Variants in DYNC2H1 observed in about 807,000 individuals in gnomAD.
The protein encoded by DYNC2H1 is cytoplasmic dynein 2 heavy chain 1.
A neutral mutation model predicts 570.0 loss-of-function variants in DYNC2H1; 410 were observed. That is an observed-to-expected ratio of 0.72 (90% CI 0.66 to 0.78). The LOEUF (loss-of-function observed/expected upper bound fraction) is 0.78. Ranked by LOEUF, DYNC2H1 falls within the 30% of genes least tolerant of loss-of-function variation. The pLI, the probability that DYNC2H1 is intolerant of heterozygous loss-of-function variation, is 0.00. For synonymous variants in DYNC2H1, 1,688 were observed against 1,677.6 expected (o/e 1.01, Z -0.15); for missense variants, 4,865 against 5,046.4 (o/e 0.96, Z 1.09).
chr11:103,165,224 C>T (rs1431691591), intron 30 of DYNC2H1, among the ~76,000 whole-genome samples: 1 of 152,166 alleles, frequency 6.6e-6, no homozygotes, highest in Non-Finnish European at 1.5e-5. Context: ...CCCTCTCAGG[C>T]TCAAGCGATT....
chr11:103,145,504 AT>A lies in DYNC2H1; in HGVS notation c.2702+2116del, dbSNP rs1312931333. On this transcript the variant is annotated intron_variant, in intron 18 of 88. Transcript: ENST00000375735. The surrounding 1 kb of genome is among the most constrained non-coding windows in gnomAD (Gnocchi z 4.2). ...AAGAACCTCTACTGCTTCCTCTACT[AT>A]TTTTTTGTCCCTTACTATAGATAGC... Among the ~76,000 whole-genome samples, 2 of 151,646 alleles carry A rather than the reference AT, an allele frequency of 1.3e-5. No individual in the cohort carries two copies. The highest frequency in any genetic ancestry group is 2.9e-5 in the Non-Finnish European group (2 of 67,904).
At chr11:103,124,438 C>A (rs190400394) in intron 11 of DYNC2H1, among the ~76,000 whole-genome samples, 3 of 119,630 alleles carry the variant, frequency 2.5e-5, no homozygotes, top group East Asian at 4.8e-4. Flanking sequence ...GGAGCAATAC[C>A]CTGTCTCAAA....
At chr11:103,457,134 G>A (rs1944814935) in intron 87 of DYNC2H1, among the ~76,000 whole-genome samples, 1 of 152,152 alleles carries the variant, frequency 6.6e-6, no homozygotes, top group Non-Finnish European at 1.5e-5. Context: ...TTAGTCCTGT[G>A]TTTGCAGTGA....
chr11:103,122,594 G>A (rs1858775252), intron 10 of DYNC2H1, among the ~76,000 whole-genome samples: 1 of 152,188 alleles, frequency 6.6e-6, no homozygotes, highest in Non-Finnish European at 1.5e-5. Context: ...TATTCTTGGA[G>A]TTATGCCTTG....
intron 75 of DYNC2H1, among the ~76,000 whole-genome samples, chr11:103,288,684 T>TA (rs57040929): frequency 0.032 from 903 of 27,902 alleles, 109 homozygotes; most frequent in East Asian, 0.047. Context: ...CCGTCTCTAC[T>TA]AAAAAAAAAA....
intron 72 of DYNC2H1, 108 bp from the exon 73 acceptor site, chr11:103,282,900 T>C: frequency 2.7e-6 from 2 of 753,734 alleles, no homozygotes; most frequent in Non-Finnish European, 4.3e-6. Context: ...AAAGAAATAA[T>C]GCATAGAATG....
intron 5 of DYNC2H1, 108 bp downstream of exon 5, chr11:103,116,822 C>A: frequency 1.1e-6 from 1 of 909,528 alleles, no homozygotes; most frequent in Non-Finnish European, 1.5e-6. Flanking sequence ...AATACTGTAA[C>A]TCTTAAAGCA....
chr11:103,287,754 T>A, intron 75 of DYNC2H1, 149 bp downstream of exon 75: 1 of 717,686 alleles, frequency 1.4e-6, no homozygotes, highest in Non-Finnish European at 2.2e-6. Flanking sequence ...CTACCTGTTT[T>A]AGAAAAATAA....
rs1256207704 is a variant in DYNC2H1, at chr11:103,129,639, G to A, written c.1953+634G>A. On this transcript the variant is annotated intron_variant, in intron 13 of 88. Coordinates refer to ENST00000375735, the MANE Select transcript of DYNC2H1 (RefSeq NM_001377.3). The surrounding 1 kb of genome is among the most constrained non-coding windows in gnomAD (Gnocchi z 4.1). ...GTGGAGGTTGCAGTGGGTCGAGATCGTGCCACTGCACTCTAGCCTGGGAGA... is the reference window on the plus strand; with the variant it reads ...GTGGAGGTTGCAGTGGGTCGAGATCATGCCACTGCACTCTAGCCTGGGAGA... 1.3e-5 allele frequency among the ~76,000 whole-genome samples: 2 copies of A among 151,802 alleles called. No homozygotes were observed. The highest frequency in any genetic ancestry group is 4.8e-5 in the African/African-American group (2 of 41,328).
At chr11:103,366,811 A>G (rs1469796276) in intron 83 of DYNC2H1, among the ~76,000 whole-genome samples, 1 of 152,166 alleles carries the variant, frequency 6.6e-6, no homozygotes, top group African/African-American at 2.4e-5. Flanking sequence ...TATTACTAAT[A>G]CAGATTTTAA....
At chr11:103,180,554 T>C (rs1565372534) in intron 39 of DYNC2H1, among the ~76,000 whole-genome samples, 1 of 151,750 alleles carries the variant, frequency 6.6e-6, no homozygotes, top group East Asian at 1.9e-4. Flanking sequence ...TATTAACTTT[T>C]TTTGTTGCTA....
rs113263553 is a variant in DYNC2H1, at chr11:103,261,244, G to T, written c.10695+1267G>T. ...CCATCTCCCTGAGACAGAGCAGCTG[G>T]GGGGAAGGGGTGGCTGTGGGCGCAG... is the stretch of plus-strand genomic sequence containing the variant. On this transcript the variant is annotated intron_variant, in intron 70 of 88. Transcript: ENST00000375735. This position sits in a 1 kb window ranked among gnomAD's most constrained non-coding sequence, Gnocchi z 4.8. Among the ~76,000 whole-genome samples, 1 of 152,102 alleles carries T rather than the reference G, an allele frequency of 6.6e-6. No individual in the cohort carries two copies. Among genetic ancestry groups the T allele is most frequent in the South Asian group, 2.1e-4 (1 of 4,834 alleles).
chr11:103,416,600 C>T (rs1028406374), intron 84 of DYNC2H1, among the ~76,000 whole-genome samples: 1 of 152,154 alleles, frequency 6.6e-6, no homozygotes, highest in African/African-American at 2.4e-5. Context: ...GGAAAACTGG[C>T]TAGCCATATA....
chr11:103,136,997 T>C (rs1859596220), intron 17 of DYNC2H1, among the ~76,000 whole-genome samples: 1 of 151,380 alleles, frequency 6.6e-6, no homozygotes, highest in East Asian at 1.9e-4. Context: ...CATTTTTTCA[T>C]GTGTTTTTTG....
rs773149402 is a variant in DYNC2H1, at chr11:103,170,104, A to T, written c.4969-4A>T. On this transcript the variant is annotated splice_polypyrimidine_tract_variant and splice_region_variant and intron_variant, in intron 32 of 88. Transcript: ENST00000375735. This position sits in a 1 kb window ranked among gnomAD's most constrained non-coding sequence, Gnocchi z 4.8. Reference sequence around the variant, plus strand: ...TACTCTGACTTTGTGTTGTTCTTGTATAGGGTAATGCTTCCAAACTGGTTT... The same window carrying T: ...TACTCTGACTTTGTGTTGTTCTTGTTTAGGGTAATGCTTCCAAACTGGTTT... 1 of 1,605,814 alleles carries T rather than the reference A, an allele frequency of 6.2e-7. No individual in the cohort carries two copies. The highest frequency in any genetic ancestry group is 8.5e-7 in the Non-Finnish European group (1 of 1,176,420).
At position 103,458,854 on chromosome 11, in the gene DYNC2H1, T is replaced by A. The variant is rs541203797; in HGVS notation, c.12648+2498T>A. 4.6e-5 allele frequency among the ~76,000 whole-genome samples: 7 copies of A among 152,154 alleles called. No individual in the cohort carries two copies. The South Asian group carries it at 8.3e-4, about 18-fold the overall frequency. On this transcript the variant is annotated intron_variant, in intron 87 of 88. Coordinates refer to ENST00000375735, the MANE Select transcript of DYNC2H1 (RefSeq NM_001377.3). ...ATTTCTTTACATAGAATTGCCCTCT[T>A]AACATTTTTTTCCAGTTAAAAACTT...
chr11:103,429,321 G>T (rs1943803982), intron 84 of DYNC2H1, among the ~76,000 whole-genome samples: 1 of 151,918 alleles, frequency 6.6e-6, no homozygotes, highest in Non-Finnish European at 1.5e-5. Flanking sequence ...AGTAATAGAA[G>T]ATCCTCTTTG....
chr11:103,430,420 CTTCT>C (rs1368478672), intron 84 of DYNC2H1, among the ~76,000 whole-genome samples: 1 of 151,914 alleles, frequency 6.6e-6, no homozygotes, highest in Non-Finnish European at 1.5e-5. Flanking sequence ...TATCGTTATC[CTTCT>C]TTTTCTCATT....
In DYNC2H1 at chr11:103,151,230, C is replaced by CT. The variant is rs1372277833; in HGVS notation, c.2947-905dup. On this transcript the variant is annotated intron_variant, in intron 20 of 88. Transcript: ENST00000375735. This position sits in a 1 kb window ranked among gnomAD's most constrained non-coding sequence, Gnocchi z 4.6. ...GTTCCTGCTTCAGCCTCCTCAGTAG[C>CT]TAGGAGTACAGGTGTGCACCACCAT... Among the ~76,000 whole-genome samples the CT allele has an allele frequency of 6.6e-6, 1 of 152,046 alleles. No homozygotes were observed. The highest frequency in any genetic ancestry group is 1.9e-4 in the East Asian group (1 of 5,184).
Sources: gnomAD v4.1 joint callset for allele counts (sites outside exome capture counted in the v4.1 genomes callset) on GRCh38, gnomAD v4.1.1 for gene constraint, Gnocchi (gnomAD v3.1) non-coding constraint, MANE v1.5 for transcripts, NCBI Gene and HGNC (gene_info 2026-07-23, HGNC 2026-07-21) for gene names.